The following ADARB2 variants were observed in gnomAD, a reference collection of about 807,000 sequenced individuals.
The protein encoded by ADARB2 is adenosine deaminase RNA specific B2 (inactive).
A neutral mutation model predicts 62.2 loss-of-function variants in ADARB2; 25 were observed. The ratio of observed to expected loss-of-function variants is 0.40; its 90% confidence interval spans 0.29 to 0.56. The LOEUF is 0.56. Among genes scored for constraint, ADARB2 ranks in the 20% least tolerant of loss-of-function variants. The pLI, the probability that ADARB2 is intolerant of heterozygous loss-of-function variation, is 0.43. For synonymous variants in ADARB2, 572 were observed against 500.8 expected, an observed-to-expected ratio of 1.14 and a Z score of -1.90; for missense variants, 1,071 against 1,077.4, an observed-to-expected ratio of 0.99 and a Z score of 0.08.
chr10:1,502,702 C>T (rs1004846048), intron 1 of ADARB2, among the ~76,000 whole-genome samples: 2 of 152,210 alleles, frequency 1.3e-5, no homozygotes, highest in African/African-American at 4.8e-5. Flanking sequence ...GGGTGAAGTC[C>T]AGGTTGTGTA....
intron 8 of ADARB2, among the ~76,000 whole-genome samples, chr10:1,185,594 T>C (rs78790721): frequency 0.018 from 2,726 of 152,338 alleles, 99 homozygotes; most frequent in African/African-American, 0.061. Context: ...TACAGAGTGT[T>C]TGAGACTCAG....
At chr10:1,380,910 A>T (rs1832477199) in intron 1 of ADARB2, among the ~76,000 whole-genome samples, 1 of 152,246 alleles carries the variant, frequency 6.6e-6, no homozygotes, top group African/African-American at 2.4e-5. Flanking sequence ...AGATGAAATT[A>T]CATTTTTAAT....
chr10:1,271,097 G>T (rs368226163), intron 3 of ADARB2, 28 bp from the exon 4 acceptor site: 2 of 1,592,802 alleles, frequency 1.3e-6, no homozygotes, highest in Non-Finnish European at 1.7e-6. Flanking sequence ...AGGCCTCCAC[G>T]TTGGGCTGAG....
At chr10:1,729,973 T>G (rs185688222) in intron 1 of ADARB2, among the ~76,000 whole-genome samples, 71 of 152,322 alleles carry the variant, frequency 4.7e-4, no homozygotes, top group African/African-American at 1.5e-3. Flanking sequence ...ACAGATTAAT[T>G]AAATCGATAA....
chr10:1,707,187 C>G (rs1016113197), intron 1 of ADARB2, among the ~76,000 whole-genome samples: 1 of 152,206 alleles, frequency 6.6e-6, no homozygotes, highest in Non-Finnish European at 1.5e-5. Context: ...ATTCCTGCAC[C>G]GGCGCACAGC....
chr10:1,516,176 C>T (rs1488534869), intron 1 of ADARB2, among the ~76,000 whole-genome samples: 1 of 152,204 alleles, frequency 6.6e-6, no homozygotes, highest in African/African-American at 2.4e-5. Flanking sequence ...AGGCCGGCCT[C>T]ATTGCGGGCT....
At chr10:1,396,097 C>T (rs1347997234) in intron 1 of ADARB2, among the ~76,000 whole-genome samples, 2 of 152,210 alleles carry the variant, frequency 1.3e-5, no homozygotes, top group South Asian at 2.1e-4. Flanking sequence ...GAGCAATGAT[C>T]GCGTAAGTAA....
intron 1 of ADARB2, among the ~76,000 whole-genome samples, chr10:1,510,659 A>G (rs1393277296): frequency 6.6e-6 from 1 of 152,208 alleles, no homozygotes; most frequent in Non-Finnish European, 1.5e-5. Context: ...GATAGAATCA[A>G]TGACACCTTA....
chr10:1,295,464 T>G (rs913583573), intron 3 of ADARB2, among the ~76,000 whole-genome samples: 1 of 152,164 alleles, frequency 6.6e-6, no homozygotes, highest in African/African-American at 2.4e-5. Flanking sequence ...CCAGGAAATG[T>G]TGGGGACAAC....
At chr10:1,503,963 T>C (rs977435650) in intron 1 of ADARB2, among the ~76,000 whole-genome samples, 3 of 152,216 alleles carry the variant, frequency 2.0e-5, no homozygotes, top group Non-Finnish European at 4.4e-5. Context: ...CTTTTCTTTA[T>C]ACATGGCCCA....
At chr10:1,644,854 C>T (rs550556456) in intron 1 of ADARB2, among the ~76,000 whole-genome samples, 1 of 152,176 alleles carries the variant, frequency 6.6e-6, no homozygotes, top group Non-Finnish European at 1.5e-5. Flanking sequence ...ATTTATGACT[C>T]GAGATTTCAC....
intron 1 of ADARB2, among the ~76,000 whole-genome samples, chr10:1,515,992 C>T (rs1310113910): frequency 1.3e-5 from 2 of 152,200 alleles, no homozygotes; most frequent in Admixed American, 1.3e-4. Flanking sequence ...GCTTTGCCTC[C>T]ATATCTGTGG....
chr10:1,505,639 C>G (rs1224315313), intron 1 of ADARB2, among the ~76,000 whole-genome samples: 2 of 152,098 alleles, frequency 1.3e-5, no homozygotes, highest in Non-Finnish European at 2.9e-5. Flanking sequence ...TTATGCCACT[C>G]CCATCCCCAC....
chr10:1,556,146 G>C (rs1047958073), intron 1 of ADARB2, among the ~76,000 whole-genome samples: 2 of 152,008 alleles, frequency 1.3e-5, no homozygotes, highest in Non-Finnish European at 2.9e-5. Context: ...CAGGATGAGG[G>C]GGCACCTTCC....
At chr10:1,225,820 T>C (rs1252103263) in intron 6 of ADARB2, among the ~76,000 whole-genome samples, 1 of 152,092 alleles carries the variant, frequency 6.6e-6, no homozygotes. Context: ...TAACCCGACC[T>C]TTCTCTCTGG....
At chr10:1,588,972 T>C (rs576371783) in intron 1 of ADARB2, among the ~76,000 whole-genome samples, 1 of 152,258 alleles carries the variant, frequency 6.6e-6, no homozygotes, top group Admixed American at 6.5e-5. Context: ...ATCCACATTT[T>C]AAAAAGCTCC....
intron 1 of ADARB2, among the ~76,000 whole-genome samples, chr10:1,607,177 G>A (rs910093120): frequency 1.1e-4 from 17 of 151,944 alleles, no homozygotes; most frequent in Admixed American, 3.9e-4. Context: ...TTTTCTTCTC[G>A]CAAGTGGCTG....
In ADARB2 at chr10:1,663,369, G is replaced by A. The variant is rs138133586; in HGVS notation, c.100+73682C>T. Among the ~76,000 whole-genome samples the A allele has an allele frequency of 4.2e-3, 633 of 152,254 alleles. 6 individuals carry two copies. Among genetic ancestry groups the A allele is most frequent in the African/African-American group, 0.014 (584 of 41,534 alleles). ...AGAATTGCGACAAGTGCATCTCCCC[G>A]CCGTGGCTGCTACAGAGCGCTGCTA... is the stretch of plus-strand genomic sequence containing the variant. On this transcript the variant is annotated intron_variant, in intron 1 of 9. Coordinates refer to ENST00000381312, the MANE Select transcript of ADARB2 (RefSeq NM_018702.4).
intron 1 of ADARB2, among the ~76,000 whole-genome samples, chr10:1,699,526 G>A (rs1286500102): frequency 9.5e-6 from 1 of 105,732 alleles, no homozygotes; most frequent in African/African-American, 3.9e-5. Flanking sequence ...GAGACCAGGC[G>A]CTCGCCAATA....
Sources: gnomAD v4.1 joint callset for allele counts (sites outside exome capture counted in the v4.1 genomes callset) on GRCh38, gnomAD v4.1.1 for gene constraint, MANE v1.5 for transcripts, NCBI Gene and HGNC (gene_info 2026-07-23, HGNC 2026-07-21) for gene names.